Variants in DEF8 observed in about 807,000 individuals in gnomAD.
DEF8 encodes differentially expressed in FDCP 8 homolog.
DEF8 carries 38 observed loss-of-function variants against 59.1 expected under a neutral mutation model. The ratio of observed to expected loss-of-function variants is 0.64; its 90% CI spans 0.50 to 0.84. The LOEUF is 0.84. Ranked by LOEUF, DEF8 falls within the 40% of genes least tolerant of loss-of-function variation. The probability of loss-of-function intolerance (pLI) is 0.00; values close to 1 mark genes in which losing one functional copy is unlikely to be tolerated. For synonymous variants in DEF8, 265 were observed against 250.1 expected (o/e 1.06, Z -0.56); for missense variants, 557 against 615.2 (o/e 0.91, Z 1.00).
rs566594722 is a variant in DEF8 at position 89,950,578 on chromosome 16, C to T, written c.-11+1065C>T. ...AATTTGTTTGTGTTTTTAGTACAGA[C>T]GGGGTTTCACCATGTTGGTCAGGCT... On this transcript the variant is annotated intron_variant, in intron 2 of 12. Coordinates refer to ENST00000563594, the MANE Select transcript of DEF8 (RefSeq NM_001242818.2). Among the ~76,000 whole-genome samples, 102 of 152,174 alleles carry T rather than the reference C, an allele frequency of 6.7e-4. 3 individuals are homozygous for T. The South Asian group carries it at 0.021, about 31-fold the overall frequency.
Position 89,967,354 on chromosome 16 carries a change from C to G in DEF8, c.*1391C>G, listed in dbSNP as rs1056082039. ...AGGCCACCTGGCTCACTGGCTCATT[C>G]CAGGAGTGGGAGAGACGGCAGGGTC... On this transcript the variant is annotated 3_prime_UTR_variant, in exon 13 of 13. Coordinates refer to ENST00000563594, the MANE Select transcript of DEF8 (RefSeq NM_001242818.2). 1.0e-5 allele frequency: 4 copies of G among 398,532 alleles called. No homozygotes were observed. Among genetic ancestry groups the G allele is most frequent in the African/African-American group, 6.2e-5 (3 of 48,632 alleles). 24.7% of individuals were successfully genotyped at this position (398,532 alleles called of 1,614,324 possible). A position where few individuals can be genotyped will look rare whatever the true frequency, so the allele number is the denominator to read the frequency against.
chr16:89,952,395 A>G (rs1466203195), intron 2 of DEF8, among the ~76,000 whole-genome samples: 1 of 152,194 alleles, frequency 6.6e-6, no homozygotes, highest in Non-Finnish European at 1.5e-5. Flanking sequence ...GGTGGATGGA[A>G]GGGCTAAGCA....
chr16:89,965,851 C>G lies in DEF8; in HGVS notation c.1254-10C>G. The stretch of plus-strand genomic sequence containing the variant: ...CTGTGCAGAGAGCCCCGACCTCTTT[C>G]TGCCCCCAGGGACTGCTACTACGAC... On this transcript the variant is annotated splice_polypyrimidine_tract_variant and intron_variant, in intron 12 of 12. Transcript: ENST00000563594. 1 of 1,604,868 alleles carries G rather than the reference C, an allele frequency of 6.2e-7. No homozygotes were observed. The highest frequency in any genetic ancestry group is 8.5e-7 in the Non-Finnish European group (1 of 1,172,560).
intron 2 of DEF8, among the ~76,000 whole-genome samples, chr16:89,950,617 G>T (rs2031859733): frequency 3.3e-5 from 5 of 152,026 alleles, no homozygotes; most frequent in Admixed American, 3.3e-4. Flanking sequence ...TTGAACTCTT[G>T]ACCTCAAATG....
At chr16:89,959,632 C>G (rs1473697746) in intron 6 of DEF8, among the ~76,000 whole-genome samples, 1 of 152,222 alleles carries the variant, frequency 6.6e-6, no homozygotes, top group East Asian at 1.9e-4. Flanking sequence ...GTAGCTGGGA[C>G]TACAGGTGCC....
chr16:89,960,699 A>G (rs975482174), intron 6 of DEF8, among the ~76,000 whole-genome samples: 14 of 152,098 alleles, frequency 9.2e-5, no homozygotes, highest in African/African-American at 3.4e-4. Context: ...GGTTGGCCCC[A>G]AACATGTGAG....
intron 8 of DEF8, 61 bp downstream of exon 8, chr16:89,961,925 G>C: frequency 1.2e-6 from 2 of 1,600,374 alleles, no homozygotes; most frequent in Non-Finnish European, 1.7e-6. Flanking sequence ...GGGTTGGGGT[G>C]TGGAGCCGGT....
chr16:89,962,396 C>T (rs940802387), intron 9 of DEF8, among the ~76,000 whole-genome samples: 3 of 152,252 alleles, frequency 2.0e-5, no homozygotes, highest in South Asian at 4.1e-4. Context: ...ACGGTGCTCA[C>T]ACCTGTAATC....
rs994855318 is a variant in DEF8, at chr16:89,964,296, A to C, written c.1129A>C (p.Lys377Gln). 15 of 1,593,902 alleles carry C rather than the reference A, an allele frequency of 9.4e-6. No homozygotes were observed. Among genetic ancestry groups the C allele is most frequent in the Non-Finnish European group, 1.3e-5 (15 of 1,170,172 alleles). ...CCACACGCTCTTCGCCAAGCACATC[A>C]AGCTGGACTGCGAGGTGGGCCTCTG... is the stretch of plus-strand genomic sequence containing the variant. The part of the protein sequence containing the change: ...EIHTLFAKHI[K>Q]LDCERCQAKG... Residue 377 changes from lysine to glutamine, a missense_variant, in exon 11 of 13, where the codon AAG becomes CAG. Physicochemically the swap from Lys to Gln is moderately conservative, Grantham distance 53 (BLOSUM62 1). Coordinates refer to ENST00000563594, the MANE Select transcript of DEF8 (RefSeq NM_001242818.2).
intron 4 of DEF8, among the ~76,000 whole-genome samples, chr16:89,955,826 A>G (rs940965696): frequency 1.1e-4 from 17 of 151,872 alleles, no homozygotes; most frequent in Admixed American, 7.9e-4. Context: ...TAATCCCAGC[A>G]CTTTGGGAGG....
At position 89,949,508 on chromosome 16, in the gene DEF8, A is replaced by G. The variant is rs755754865; in HGVS notation, c.-16A>G. On this transcript the variant is annotated 5_prime_UTR_variant, in exon 2 of 13. The change abolishes an upstream ATG in the 5' untranslated region. Coordinates refer to ENST00000563594, the MANE Select transcript of DEF8 (RefSeq NM_001242818.2). ...GCGAGCCCCTGGGCCCTGGCAGGCG[A>G]TGCAGGTATGGGCAGACAGGACGCT... 6.2e-7 allele frequency: 1 copy of G among 1,613,152 alleles called. No individual in the cohort carries two copies. Among genetic ancestry groups the G allele is most frequent in the Non-Finnish European group, 8.5e-7 (1 of 1,179,884 alleles).
In DEF8 at chr16:89,954,366, C is replaced by A; in HGVS notation, c.114C>A (p.Val38=). The A allele has an allele frequency of 1.2e-6, 2 of 1,613,612 alleles. No homozygotes were observed. Among genetic ancestry groups the A allele is most frequent in the Non-Finnish European group, 8.5e-7 (1 of 1,179,768 alleles). ...EQGPGEEVPD[V]TPEEALPELP... ...GCCCTGGGGAGGAGGTCCCGGACGT[C>A]ACTCCTGAAGGTGGGTGCTGGTGGG... Residue 38 remains valine (V), a synonymous_variant, in exon 3 of 13, where the codon GTC becomes GTA. Coordinates refer to ENST00000563594, the MANE Select transcript of DEF8 (RefSeq NM_001242818.2). This position sits in a 1 kb window ranked among gnomAD's most constrained non-coding sequence, Gnocchi z 4.3.
chr16:89,953,194 A>T (rs2032511528), intron 2 of DEF8, among the ~76,000 whole-genome samples: 3 of 152,234 alleles, frequency 2.0e-5, no homozygotes, highest in Admixed American at 2.0e-4. Context: ...ACTTTCTATA[A>T]CATCAACAGA....
At chr16:89,949,671 C>G (rs769957417) in intron 2 of DEF8, 158 bp downstream of exon 2, 11 of 1,573,810 alleles carry the variant, frequency 7.0e-6, no homozygotes, top group Non-Finnish European at 9.5e-6. Flanking sequence ...GAGCTTCGGC[C>G]CAGGGTCCCT....
chr16:89,957,969 C>G (rs1000973497), intron 5 of DEF8: 14 of 216,832 alleles, frequency 6.5e-5, no homozygotes, highest in South Asian at 4.9e-4. Flanking sequence ...GAATCTTGCT[C>G]TCTTCCAACT....
chr16:89,957,529 G>T lies in DEF8; in HGVS notation c.241G>T (p.Asp81Tyr). Residue 81 changes from aspartate (D) to tyrosine (Y), a missense_variant, in exon 5 of 13, where the codon GAC (aspartate) becomes TAC (tyrosine). Coordinates refer to ENST00000563594, the MANE Select transcript of DEF8 (RefSeq NM_001242818.2). ...TGGGCAGGGTCTGTTCCTGGCCTCT[G>T]ACGTCCAGCAGCTGCGGCAGGCGAT... ...SRPVGLFLAS[D>Y]VQQLRQAIEE... 6.3e-7 allele frequency: 1 copy of T among 1,590,996 alleles called. No individual in the cohort carries two copies. The highest frequency in any genetic ancestry group is 8.6e-7 in the Non-Finnish European group (1 of 1,169,112).
Position 89,967,270 on chromosome 16 carries a change from C to T in DEF8, c.*1307C>T, listed in dbSNP as rs2034651684. 2.5e-6 allele frequency: 1 copy of T among 398,560 alleles called. No individual in the cohort carries two copies. Among genetic ancestry groups the T allele is most frequent in the African/African-American group, 2.1e-5 (1 of 48,622 alleles). 24.7% of individuals were successfully genotyped at this position (398,560 alleles called of 1,614,324 possible). A position where few individuals can be genotyped will look rare whatever the true frequency, so the allele number is the denominator to read the frequency against. Reference sequence around the variant, plus strand: ...GGGCAGAGGGCAGAGAATGCCACTGCTTGGTTATTGGTCCCCTTTGACCAG... The same window carrying T: ...GGGCAGAGGGCAGAGAATGCCACTGTTTGGTTATTGGTCCCCTTTGACCAG... On this transcript the variant is annotated 3_prime_UTR_variant, in exon 13 of 13. Transcript: ENST00000563594.
At position 89,962,059 on chromosome 16, in the gene DEF8, C is replaced by T. The variant is rs778902417; in HGVS notation, c.855C>T (p.Pro285=). 7 of 1,614,050 alleles carry T rather than the reference C, an allele frequency of 4.3e-6. No individual in the cohort carries two copies. Among genetic ancestry groups the T allele is most frequent in the South Asian group, 1.1e-5 (1 of 91,080 alleles). Residue 285 remains proline (P), a synonymous_variant, in exon 9 of 13, where the codon CCC becomes CCT. Transcript: ENST00000563594. Reference sequence around the variant, plus strand: ...ACCTGGCGCTGATGGTGTCTCGGCCCGTACTCAGGCTCCGGGAGATCAACC... The same window carrying T: ...ACCTGGCGCTGATGGTGTCTCGGCCTGTACTCAGGCTCCGGGAGATCAACC... ...MRYLALMVSR[P]VLRLREINPL...
chr16:89,956,539 T>C (rs2033233462), intron 4 of DEF8: 1 of 152,138 alleles, frequency 6.6e-6, no homozygotes, highest in Non-Finnish European at 1.5e-5. Flanking sequence ...GGTCTCGCTC[T>C]GTTGCCCCCG....
Sources: allele counts gnomAD v4.1 joint callset (sites outside exome capture counted in the v4.1 genomes callset), GRCh38; gene constraint gnomAD v4.1.1; non-coding constraint Gnocchi (gnomAD v3.1); transcripts MANE v1.5; gene names NCBI Gene and HGNC (gene_info 2026-07-23, HGNC 2026-07-21).